Variants in AREL1 observed in about 807,000 individuals in gnomAD.
The protein encoded by AREL1 is apoptosis-resistant E3 ubiquitin protein ligase 1.
Under a neutral mutation model 99.0 loss-of-function variants are expected in AREL1, and 62 were observed. The observed-to-expected ratio is 0.63, with a 90% CI of 0.51 to 0.77. AREL1 has a LOEUF of 0.77. Ranked by LOEUF, AREL1 falls within the 30% of genes least tolerant of loss-of-function variation. AREL1 has a pLI of 0.00. For missense variants in AREL1, 879 were observed against 1,027.6 expected, an observed-to-expected ratio of 0.86 and a Z score of 1.98; for synonymous variants, 380 against 376.5, an observed-to-expected ratio of 1.01 and a Z score of -0.11.
intron 15 of AREL1, 71 bp downstream of exon 15, chr14:74,669,578 T>A: frequency 6.5e-7 from 1 of 1,527,938 alleles, no homozygotes; most frequent in East Asian, 2.3e-5. Flanking sequence ...CTGCAGAAAG[T>A]TCTCTTAGAC....
chr14:74,698,505 G>C (rs574502842), intron 1 of AREL1, among the ~76,000 whole-genome samples: 1 of 152,230 alleles, frequency 6.6e-6, no homozygotes, highest in African/African-American at 2.4e-5. Flanking sequence ...CACATTTCTT[G>C]AGCATTTGCT....
chr14:74,694,080 G>A (rs2089934040), intron 1 of AREL1, among the ~76,000 whole-genome samples: 2 of 152,088 alleles, frequency 1.3e-5, no homozygotes, highest in South Asian at 2.1e-4. Context: ...GGAGGCTGAG[G>A]TGGGGGTTGG....
At chr14:74,695,146 A>T (rs2089960769) in intron 1 of AREL1, among the ~76,000 whole-genome samples, 1 of 143,742 alleles carries the variant, frequency 7.0e-6, no homozygotes, top group South Asian at 2.2e-4. Context: ...ATCTTGGCTC[A>T]CTGCCTCACT....
At chr14:74,689,178 T>C (rs1050097400) in intron 2 of AREL1, among the ~76,000 whole-genome samples, 3 of 152,054 alleles carry the variant, frequency 2.0e-5, no homozygotes, top group African/African-American at 7.2e-5. Context: ...CTCAAATCGC[T>C]TTTATTCCAG....
chr14:74,689,565 T>C (rs1266384035), intron 2 of AREL1, among the ~76,000 whole-genome samples: 1 of 151,716 alleles, frequency 6.6e-6, no homozygotes, highest in Non-Finnish European at 1.5e-5. Flanking sequence ...CATAGAACAT[T>C]GTTTTTATTT....
In AREL1 at chr14:74,673,981, T is replaced by C. The variant is rs1019564893; in HGVS notation, c.1158+53A>G. 1.4e-5 allele frequency: 20 copies of C among 1,459,924 alleles called. No individual in the cohort carries two copies. The Admixed American group carries it at 2.4e-4, about 18-fold the overall frequency. 90.4% of individuals were successfully genotyped at this position (1,459,924 alleles called of 1,614,324 possible). A position where few individuals can be genotyped will look rare whatever the true frequency, so the allele number is the denominator to read the frequency against. ...TCTGAGAAAAAATAAAAGGCTGAGA[T>C]AGTCCAGAGATGAAGCATGCTTGAT... On this transcript the variant is annotated intron_variant, in intron 9 of 19. Coordinates refer to ENST00000356357, the MANE Select transcript of AREL1 (RefSeq NM_001039479.2).
Position 74,710,858 on chromosome 14 carries a change from T to C in AREL1, c.-334+2075A>G, listed in dbSNP as rs904698552. On this transcript the variant is annotated intron_variant, in intron 1 of 19. Coordinates refer to ENST00000356357, the MANE Select transcript of AREL1 (RefSeq NM_001039479.2). The stretch of plus-strand genomic sequence containing the variant: ...ATCAACAGAAGAAATCACCCTGCGA[T>C]TGAGCATCCCAGGACCTGAAAACTT... 6.6e-5 allele frequency among the ~76,000 whole-genome samples: 10 copies of C among 152,328 alleles called. No homozygotes were observed. The East Asian group carries it at 1.7e-3, about 26-fold the overall frequency.
chr14:74,676,456 G>T, intron 6 of AREL1, 127 bp downstream of exon 6: 1 of 1,415,228 alleles, frequency 7.1e-7, no homozygotes, highest in Non-Finnish European at 9.6e-7. Context: ...GGTATTGTCA[G>T]ATGAAGATAC....
rs750224170 is a variant in AREL1, at chr14:74,684,485, T to G, written c.212A>C (p.Glu71Ala). The change falls in exon 4 of 20, where the codon GAG becomes GCG. Residue 71 changes from glutamate to alanine, a missense_variant. Physicochemically the swap from Glu to Ala is moderately radical, Grantham distance 107. Transcript: ENST00000356357. ...KVSWDWKDPY[E>A]VGHSMAFRVH... ...TCGGAAGGCCATGCTGTGGCCCACC[T>G]CATAGGGGTCCTTCCAATCCCAGGA... The G allele has an allele frequency of 6.3e-5, 101 of 1,613,964 alleles. No homozygotes were observed. The Admixed American group carries it at 1.7e-3, about 27-fold the overall frequency.
chr14:74,693,361 A>T (rs2089922000), intron 1 of AREL1, among the ~76,000 whole-genome samples: 1 of 152,222 alleles, frequency 6.6e-6, no homozygotes, highest in Non-Finnish European at 1.5e-5. Flanking sequence ...GTGAACTTTC[A>T]AAATAAAGTC....
chr14:74,680,621 C>T (rs1423299336), intron 5 of AREL1, among the ~76,000 whole-genome samples: 1 of 152,132 alleles, frequency 6.6e-6, no homozygotes, highest in Non-Finnish European at 1.5e-5. Context: ...TTCATCATAG[C>T]CCCCAAATGG....
intron 1 of AREL1, among the ~76,000 whole-genome samples, chr14:74,704,523 T>A (rs1258276082): frequency 6.6e-6 from 1 of 152,092 alleles, no homozygotes; most frequent in East Asian, 1.9e-4. Context: ...CAGATATGCA[T>A]CTATCTCGGT....
chr14:74,705,592 C>G (rs1182085653), intron 1 of AREL1, among the ~76,000 whole-genome samples: 1 of 151,910 alleles, frequency 6.6e-6, no homozygotes, highest in Non-Finnish European at 1.5e-5. Flanking sequence ...TAACGAGAGT[C>G]TTTTATAAGA....
In AREL1 at chr14:74,713,071, T is replaced by C. The variant is rs1489315579; in HGVS notation, c.-472A>G. 7 of 1,574,420 alleles carry C rather than the reference T, an allele frequency of 4.4e-6. No homozygotes were observed. Among genetic ancestry groups the C allele is most frequent in the Non-Finnish European group, 6.1e-6 (7 of 1,144,510 alleles). On this transcript the variant is annotated 5_prime_UTR_variant, in exon 1 of 20. Transcript: ENST00000356357. The stretch of plus-strand genomic sequence containing the variant: ...GTCTCCACCCGGCCTGGGAACCGGC[T>C]CGGGGGATTGCCCTTTCCCCAAGGA...
intron 15 of AREL1, among the ~76,000 whole-genome samples, chr14:74,668,398 C>T (rs2089255149): frequency 6.6e-6 from 1 of 152,008 alleles, no homozygotes; most frequent in Admixed American, 6.6e-5. Flanking sequence ...TAGCATGCTA[C>T]TCCACAGCAG....
At chr14:74,696,568 G>A (rs1325329154) in intron 1 of AREL1, among the ~76,000 whole-genome samples, 6 of 152,148 alleles carry the variant, frequency 3.9e-5, no homozygotes, top group Non-Finnish European at 4.4e-5. Context: ...TGAAAGGCCA[G>A]GTGCAGTAGT....
At chr14:74,666,354 T>G (rs1251151095) in intron 17 of AREL1, among the ~76,000 whole-genome samples, 1 of 152,254 alleles carries the variant, frequency 6.6e-6, no homozygotes, top group Non-Finnish European at 1.5e-5. Flanking sequence ...CAAATTGATG[T>G]TATTCTTTGC....
rs2089177199 is a variant in AREL1, at chr14:74,664,865, C to A, written c.2164G>T (p.Val722Phe). Residue 722 changes from valine (V) to phenylalanine (F), a missense_variant, in exon 18 of 20, where the codon GTT (valine) becomes TTT (phenylalanine). Coordinates refer to ENST00000356357, the MANE Select transcript of AREL1 (RefSeq NM_001039479.2). ...TCTCTGAAATGCCATGAGCCACCAA[C>A]AACTACTGCATGGGCTTTGAAGTCA... ...VSDFKAHAVV[V>F]GGSWHFREKV... The A allele has an allele frequency of 6.2e-7, 1 of 1,613,742 alleles. No individual in the cohort carries two copies. Among genetic ancestry groups the A allele is most frequent in the African/African-American group, 1.3e-5 (1 of 74,890 alleles).
Position 74,705,156 on chromosome 14 carries a change from C to T in AREL1, c.-334+7777G>A, listed in dbSNP as rs191293330. ...CCAGGTTCAAGCGATTCTCCTGCCT[C>T]GGCCTCCCAAGTAGCTGGGATTATA... On this transcript the variant is annotated intron_variant, in intron 1 of 19. Transcript: ENST00000356357. Among the ~76,000 whole-genome samples the T allele has an allele frequency of 7.1e-3, 1,075 of 152,122 alleles. 9 individuals are homozygous for T. Among genetic ancestry groups the T allele is most frequent in the African/African-American group, 0.022 (920 of 41,504 alleles).
Sources: gnomAD v4.1 joint callset for allele counts (sites outside exome capture counted in the v4.1 genomes callset) on GRCh38, gnomAD v4.1.1 for gene constraint, MANE v1.5 for transcripts, NCBI Gene and HGNC (gene_info 2026-07-23, HGNC 2026-07-21) for gene names.